The following AFF1 variants were observed in gnomAD, a reference collection of about 807,000 sequenced individuals.
AFF1 encodes AF4/FMR2 family member 1.
Under a neutral mutation model 121.7 loss-of-function variants are expected in AFF1, and 48 were observed. The ratio of observed to expected loss-of-function variants is 0.39; its 90% confidence interval spans 0.31 to 0.50. The LOEUF (loss-of-function observed/expected upper bound fraction) is 0.50, where lower values mean the gene tolerates loss of function less well. AFF1 is among the 20% of genes least tolerant of loss of function. AFF1 has a pLI of 0.76. For synonymous variants in AFF1, 613 were observed against 563.0 expected (o/e 1.09, Z -1.26); for missense variants, 1,523 against 1,511.7 (o/e 1.01, Z -0.12).
At chr4:86,957,954 C>T (rs1033749050) in intron 2 of AFF1, among the ~76,000 whole-genome samples, 3 of 152,152 alleles carry the variant, frequency 2.0e-5, no homozygotes, top group Middle Eastern at 3.2e-3. Flanking sequence ...CATTTCACTT[C>T]TTCATACTTT....
At chr4:87,119,824 T>C (rs1449678513) in intron 12 of AFF1, among the ~76,000 whole-genome samples, 1 of 152,234 alleles carries the variant, frequency 6.6e-6, no homozygotes, top group Non-Finnish European at 1.5e-5. Context: ...GGGAAAGACA[T>C]TCCAGTGCTA....
In AFF1 at chr4:87,035,602, C is replaced by T. The variant is rs2149590752; in HGVS notation, c.39-10564C>T. Among the ~76,000 whole-genome samples, 5 of 151,628 alleles carry T rather than the reference C, an allele frequency of 3.3e-5. No individual in the cohort carries two copies. The South Asian group carries it at 8.3e-4, about 25-fold the overall frequency. On this transcript the variant is annotated intron_variant, in intron 2 of 20. Coordinates refer to ENST00000395146, the MANE Select transcript of AFF1 (RefSeq NM_001166693.3). ...TACTCAGGAGCTTTAGTCCTGTAGG[C>T]ACCAGGGCTCCCAGAAAGGTTTTAG...
intron 2 of AFF1, among the ~76,000 whole-genome samples, chr4:87,026,130 G>A (rs1728511678): frequency 7.0e-6 from 1 of 143,800 alleles, no homozygotes; most frequent in Non-Finnish European, 1.5e-5. Flanking sequence ...GCTTGAACCC[G>A]GGAGGTGGAG....
At chr4:86,999,238 A>T (rs80332612) in intron 2 of AFF1, among the ~76,000 whole-genome samples, 14 of 152,350 alleles carry the variant, frequency 9.2e-5, no homozygotes, top group African/African-American at 3.4e-4. Context: ...GTGTTAGCCA[A>T]GTCCCTCCTG....
At chr4:87,082,259 T>C (rs774883628) in intron 4 of AFF1, among the ~76,000 whole-genome samples, 1 of 152,182 alleles carries the variant, frequency 6.6e-6, no homozygotes, top group Non-Finnish European at 1.5e-5. Context: ...AATCGTAGAA[T>C]AGTATTACAT....
At chr4:87,109,976 A>G (rs969979195) in intron 11 of AFF1, among the ~76,000 whole-genome samples, 32 of 152,200 alleles carry the variant, frequency 2.1e-4, no homozygotes, top group African/African-American at 6.3e-4. Flanking sequence ...AATTTTTCCT[A>G]AAGTATTTAA....
chr4:86,981,541 G>A (rs577408543), intron 2 of AFF1, among the ~76,000 whole-genome samples: 1 of 151,878 alleles, frequency 6.6e-6, no homozygotes, highest in Non-Finnish European at 1.5e-5. Context: ...GCTAATTTTT[G>A]TATTTTTAGT....
At chr4:86,944,351 TAAG>T (rs1455307381) in intron 1 of AFF1, among the ~76,000 whole-genome samples, 5 of 141,982 alleles carry the variant, frequency 3.5e-5, no homozygotes, top group South Asian at 2.4e-4. Context: ...GCTGAGGCCT[TAAG>T]AAGAATAATT....
intron 11 of AFF1, among the ~76,000 whole-genome samples, chr4:87,112,788 T>C (rs1312296310): frequency 1.3e-5 from 2 of 152,224 alleles, no homozygotes; most frequent in Non-Finnish European, 1.5e-5. Context: ...TTCTGATGCA[T>C]TATGTGTATG....
chr4:87,048,703 G>C (rs1361198045), intron 4 of AFF1, among the ~76,000 whole-genome samples: 2 of 152,136 alleles, frequency 1.3e-5, no homozygotes, highest in African/African-American at 2.4e-5. Flanking sequence ...GTCAGCTTCT[G>C]GTTTAGAAGA....
Position 87,114,749 on chromosome 4 carries a change from A to T in AFF1, c.1916A>T (p.Tyr639Phe). The T allele has an allele frequency of 6.2e-7, 1 of 1,613,726 alleles. No homozygotes were observed. The highest frequency in any genetic ancestry group is 1.1e-5 in the South Asian group (1 of 91,066). Residue 639 changes from tyrosine to phenylalanine, a missense_variant, in exon 12 of 21, where the codon TAT becomes TTT. Tyr to Phe is a conservative substitution (Grantham distance 22, BLOSUM62 3). Around this residue, in one of 5 missense-constraint regions of AFF1, gnomAD observed 905 missense variants for 842.5 expected, o/e 1.07. Coordinates refer to ENST00000395146, the MANE Select transcript of AFF1 (RefSeq NM_001166693.3). ...GAAAGGGAGCCAGGGCTTCTTCCCT[A>T]TGGCTCCCGAGACCAGACTTCCAAA... ...QGEREPGLLP[Y>F]GSRDQTSKDK...
intron 4 of AFF1, among the ~76,000 whole-genome samples, chr4:87,072,129 C>T (rs555949583): frequency 1.8e-4 from 28 of 152,112 alleles, no homozygotes; most frequent in African/African-American, 3.4e-4. Context: ...TTTGGGAGGC[C>T]GAGGTGGGCG....
intron 2 of AFF1, among the ~76,000 whole-genome samples, chr4:87,022,580 A>ATATATATATATATCTATCTATCTATATC (rs1399457511): frequency 1.1e-5 from 1 of 89,356 alleles, no homozygotes; most frequent in African/African-American, 5.3e-5. Flanking sequence ...ATATATATAT[A>ATATATATATATATCTATCTATCTATATC]TATCTATCTA....
intron 1 of AFF1, among the ~76,000 whole-genome samples, chr4:86,945,319 C>CTTTTTTTTTTTTTTTT (rs72025655): frequency 9.0e-6 from 1 of 111,692 alleles, no homozygotes; most frequent in Non-Finnish European, 1.7e-5. Flanking sequence ...TTTTCTTTTC[C>CTTTTTTTTTTTTTTTT]TTTTTTTTTT....
chr4:87,022,266 C>G (rs1433644855), intron 2 of AFF1, among the ~76,000 whole-genome samples: 2 of 150,334 alleles, frequency 1.3e-5, no homozygotes, highest in Non-Finnish European at 3.0e-5. Flanking sequence ...TCAAAAATAG[C>G]CCAGTTAACA....
chr4:87,081,183 A>G (rs1256811854), intron 4 of AFF1, among the ~76,000 whole-genome samples: 1 of 58,252 alleles, frequency 1.7e-5, no homozygotes, highest in African/African-American at 7.8e-5. Context: ...TTTTTTTGAG[A>G]CAGAGTCTCA....
intron 5 of AFF1, among the ~76,000 whole-genome samples, chr4:87,086,409 C>A (rs1355612927): frequency 6.6e-6 from 1 of 152,116 alleles, no homozygotes; most frequent in East Asian, 1.9e-4. Context: ...TTGAAGGAAC[C>A]CATCCGTCCT....
intron 16 of AFF1, 89 bp downstream of exon 16, chr4:87,127,792 C>A: frequency 7.5e-7 from 1 of 1,332,096 alleles, no homozygotes; most frequent in South Asian, 1.2e-5. Context: ...TATTCCATAT[C>A]ACTCAGCGTA....
At chr4:87,120,007 C>G (rs920605576) in intron 12 of AFF1, among the ~76,000 whole-genome samples, 4 of 152,202 alleles carry the variant, frequency 2.6e-5, no homozygotes, top group African/African-American at 9.7e-5. Context: ...AAAATGAAAG[C>G]TCATCCCTTC....
Sources: allele counts gnomAD v4.1 joint callset (sites outside exome capture counted in the v4.1 genomes callset), GRCh38; gene constraint gnomAD v4.1.1; regional missense constraint gnomAD v4.1.1; transcripts MANE v1.5; gene names NCBI Gene and HGNC (gene_info 2026-07-23, HGNC 2026-07-21).